Variants in PPM1L observed in about 807,000 individuals in gnomAD.
The protein encoded by PPM1L is protein phosphatase 1L.
A neutral mutation model predicts 31.4 loss-of-function variants in PPM1L; 13 were observed. The ratio of observed to expected loss-of-function variants is 0.41; its 90% CI spans 0.27 to 0.66. The LOEUF (loss-of-function observed/expected upper bound fraction) is 0.66, where lower values mean the gene tolerates loss of function less well. Ranked by LOEUF, PPM1L falls within the 30% of genes least tolerant of loss-of-function variation. The probability of loss-of-function intolerance (pLI) is 0.29; values close to 1 mark genes in which losing one functional copy is unlikely to be tolerated. For missense variants in PPM1L, 326 were observed against 453.7 expected, an observed-to-expected ratio of 0.72 and a Z score of 2.56; for synonymous variants, 184 against 175.4, an observed-to-expected ratio of 1.05 and a Z score of -0.39.
intron 2 of PPM1L, among the ~76,000 whole-genome samples, chr3:160,994,264 C>T (rs1041126070): frequency 5.3e-5 from 8 of 152,136 alleles, no homozygotes; most frequent in Non-Finnish European, 8.8e-5. Flanking sequence ...TATGGCTTTT[C>T]CCAGGGGCTT....
chr3:160,877,959 C>A (rs1333355214), intron 1 of PPM1L, among the ~76,000 whole-genome samples: 4 of 152,168 alleles, frequency 2.6e-5, no homozygotes, highest in Non-Finnish European at 1.5e-5. Flanking sequence ...CAGGCATTCA[C>A]CTGTGTAAGC....
intron 2 of PPM1L, among the ~76,000 whole-genome samples, chr3:160,995,074 AC>A (rs1338080620): frequency 8.5e-5 from 13 of 152,322 alleles, no homozygotes; most frequent in Admixed American, 6.5e-4. Flanking sequence ...GTGGTGTAAA[AC>A]AAAAAGCAAA....
chr3:160,885,833 C>G (rs1307915143), intron 1 of PPM1L, among the ~76,000 whole-genome samples: 1 of 152,206 alleles, frequency 6.6e-6, no homozygotes, highest in Admixed American at 6.5e-5. Flanking sequence ...TGCGGAGCTC[C>G]CCTGGGGGAG....
Position 160,756,253 on chromosome 3 carries a change from C to G in PPM1L, c.-56C>G, listed in dbSNP as rs1576623822. The G allele has an allele frequency of 8.3e-6, 13 of 1,557,198 alleles. 1 individual carries two copies. The South Asian group carries it at 1.6e-4, about 19-fold the overall frequency. On this transcript the variant is annotated 5_prime_UTR_variant, in exon 1 of 4. Transcript: ENST00000498165. This position sits in a 1 kb window ranked among gnomAD's most constrained non-coding sequence, Gnocchi z 6.2. The stretch of plus-strand genomic sequence containing the variant: ...GCTGTCCCCGCAGTGCTCCCGGACC[C>G]GGCGAGCCTTCGGGGCGCGCGTCGC...
chr3:160,792,887 ACTCT>A (rs1402095828), intron 1 of PPM1L, among the ~76,000 whole-genome samples: 4 of 151,900 alleles, frequency 2.6e-5, no homozygotes, highest in Non-Finnish European at 5.9e-5. Flanking sequence ...GGACACAATC[ACTCT>A]CCCAGCACAT....
At chr3:161,030,051 G>C (rs1016644288) in intron 2 of PPM1L, among the ~76,000 whole-genome samples, 12 of 152,156 alleles carry the variant, frequency 7.9e-5, no homozygotes, top group Non-Finnish European at 1.8e-4. Flanking sequence ...ACTTTGAGCT[G>C]CTTCATGCCT....
intron 2 of PPM1L, among the ~76,000 whole-genome samples, chr3:161,057,596 T>C (rs371343302): frequency 2.6e-4 from 40 of 152,284 alleles, no homozygotes; most frequent in African/African-American, 9.4e-4. Flanking sequence ...TGGCTTGTAC[T>C]GCTTTTTAAA....
intron 2 of PPM1L, among the ~76,000 whole-genome samples, chr3:161,065,062 A>T (rs898685): frequency 0.23 from 34,591 of 151,764 alleles, 4,251 homozygotes; most frequent in African/African-American, 0.3. Context: ...AGCAGAAGCC[A>T]AAAGTGTGTA....
chr3:161,051,329 AGG>A (rs1719271337), intron 2 of PPM1L, among the ~76,000 whole-genome samples: 1 of 151,924 alleles, frequency 6.6e-6, no homozygotes. Flanking sequence ...TGTACATAGT[AGG>A]CACTGAATGA....
At chr3:160,934,166 C>T (rs1007600140) in intron 1 of PPM1L, among the ~76,000 whole-genome samples, 1 of 152,230 alleles carries the variant, frequency 6.6e-6, no homozygotes, top group Non-Finnish European at 1.5e-5. Flanking sequence ...AAGAATGCCT[C>T]ATGGCATCCC....
chr3:161,067,756 A>G (rs1454150586), intron 3 of PPM1L, among the ~76,000 whole-genome samples: 2 of 152,130 alleles, frequency 1.3e-5, no homozygotes, highest in East Asian at 3.9e-4. Context: ...CTACTAGACC[A>G]TGCTTCCTGG....
chr3:160,836,316 AAGAGAGAGAG>A (rs113812255), intron 1 of PPM1L, among the ~76,000 whole-genome samples: 3 of 147,628 alleles, frequency 2.0e-5, no homozygotes, highest in Admixed American at 6.8e-5. Flanking sequence ...GAAGGAAAGG[AAGAGAGAGAG>A]AGAGAGAGAG....
At chr3:160,790,329 C>A (rs1712066491) in intron 1 of PPM1L, among the ~76,000 whole-genome samples, 1 of 152,122 alleles carries the variant, frequency 6.6e-6, no homozygotes, top group Admixed American at 6.6e-5. Flanking sequence ...TCTTGTTCCT[C>A]CATAGCACCT....
At chr3:160,767,237 CTTT>C (rs534238505) in intron 1 of PPM1L, among the ~76,000 whole-genome samples, 5 of 143,114 alleles carry the variant, frequency 3.5e-5, no homozygotes, top group African/African-American at 5.1e-5. Context: ...GTCTTAGTTT[CTTT>C]TTTTTTTTTT....
At chr3:160,876,068 G>C (rs780545318) in intron 1 of PPM1L, among the ~76,000 whole-genome samples, 1 of 152,142 alleles carries the variant, frequency 6.6e-6, no homozygotes, top group Non-Finnish European at 1.5e-5. Context: ...AGCTTTATGC[G>C]AATCTTGATG....
At chr3:160,982,092 C>T (rs935864083) in intron 2 of PPM1L, among the ~76,000 whole-genome samples, 9 of 152,152 alleles carry the variant, frequency 5.9e-5, no homozygotes, top group African/African-American at 2.2e-4. Flanking sequence ...TCACTACCTG[C>T]ATCTCATTTC....
intron 1 of PPM1L, among the ~76,000 whole-genome samples, chr3:160,856,729 T>C (rs964682057): frequency 2.0e-5 from 3 of 151,956 alleles, no homozygotes; most frequent in Admixed American, 6.6e-5. Flanking sequence ...GGTGATGAAA[T>C]AATCTGTACA....
rs78576417 is a variant in PPM1L, at chr3:160,880,426, A to T, written c.400-81310A>T. Reference sequence around the variant, plus strand: ...GTTATTTGGTGCTTTTGAGAAGAGCATTTGCTGATTGAGTATATATATATT... The same window carrying T: ...GTTATTTGGTGCTTTTGAGAAGAGCTTTTGCTGATTGAGTATATATATATT... On this transcript the variant is annotated intron_variant, in intron 1 of 3. Transcript: ENST00000498165. 5.1e-4 allele frequency among the ~76,000 whole-genome samples: 77 copies of T among 152,298 alleles called. No homozygotes were observed. The East Asian group carries it at 0.012, about 24-fold the overall frequency.
Position 160,961,892 on chromosome 3 carries a change from G to A in PPM1L, c.556G>A (p.Val186Ile). The change falls in exon 2 of 4, where the codon GTA becomes ATA. Residue 186 changes from valine to isoleucine, a missense_variant. Transcript: ENST00000498165. ...CCGAGAAATGCTAGAAAAATTGACTGTATCCTATGATGAAGCAGGTATGTT... is the reference window on the plus strand; with the variant it reads ...CCGAGAAATGCTAGAAAAATTGACTATATCCTATGATGAAGCAGGTATGTT... ...IDREMLEKLT[V>I]SYDEAGTTCL... 1.9e-6 allele frequency: 3 copies of A among 1,585,418 alleles called. No individual in the cohort carries two copies. Among genetic ancestry groups the A allele is most frequent in the South Asian group, 1.2e-5 (1 of 84,730 alleles).
Sources: allele counts gnomAD v4.1 joint callset (sites outside exome capture counted in the v4.1 genomes callset), GRCh38; gene constraint gnomAD v4.1.1; non-coding constraint Gnocchi (gnomAD v3.1); transcripts MANE v1.5; gene names NCBI Gene and HGNC (gene_info 2026-07-23, HGNC 2026-07-21).